SLC24A2: variants seen among roughly 807,000 people sequenced by gnomAD.
SLC24A2 encodes the protein sodium/potassium/calcium exchanger 2.
In SLC24A2, 36 loss-of-function variants were observed where a neutral mutation model predicts 62.0. That is an observed-to-expected ratio of 0.58 (90% CI 0.44 to 0.77). The LOEUF (loss-of-function observed/expected upper bound fraction) is 0.77, where lower values mean the gene tolerates loss of function less well. SLC24A2 is among the 30% of genes least tolerant of loss of function. The pLI, the probability that SLC24A2 is intolerant of heterozygous loss-of-function variation, is 0.00. For synonymous variants in SLC24A2, 358 were observed against 294.0 expected (o/e 1.22, Z -2.23); for missense variants, 846 against 817.9 (o/e 1.03, Z -0.42).
At chr9:20,274,513 G>C in the SLC24A2 span, among the ~76,000 whole-genome samples, 6 of 152,142 alleles carry the variant, frequency 3.9e-5, no homozygotes, top group Non-Finnish European at 8.8e-5. Flanking sequence ...GGAAAAAGAG[G>C]AGGAACTATT....
At chr9:19,836,587 T>C in the SLC24A2 span, among the ~76,000 whole-genome samples, 1 of 152,136 alleles carries the variant, frequency 6.6e-6, no homozygotes, top group African/African-American at 2.4e-5. Flanking sequence ...CAATAATGAA[T>C]AGCTTACCAA....
the SLC24A2 span, among the ~76,000 whole-genome samples, chr9:20,271,902 G>A: frequency 2.6e-5 from 4 of 152,206 alleles, no homozygotes; most frequent in Admixed American, 2.0e-4. Context: ...ATCAGATTTG[G>A]TGCTATGCCA....
At chr9:20,290,586 T>C in the SLC24A2 span, among the ~76,000 whole-genome samples, 1 of 152,070 alleles carries the variant, frequency 6.6e-6, no homozygotes. Flanking sequence ...CTGGAATGAG[T>C]CTCTTGGATC....
chr9:19,611,739 C>T (rs993543035), intron 4 of SLC24A2, among the ~76,000 whole-genome samples: 1 of 152,106 alleles, frequency 6.6e-6, no homozygotes, highest in Admixed American at 6.5e-5. Context: ...GGGGAACTTC[C>T]ATCTCTTCCC....
chr9:19,791,459 G>C (rs184547576), upstream of SLC24A2, among the ~76,000 whole-genome samples: 1 of 152,298 alleles, frequency 6.6e-6, no homozygotes, highest in East Asian at 1.9e-4. Context: ...AGGGAGAAGG[G>C]GGAGATAAAT....
the SLC24A2 span, among the ~76,000 whole-genome samples, chr9:19,855,758 G>T: frequency 6.6e-6 from 1 of 151,888 alleles, no homozygotes; most frequent in Non-Finnish European, 1.5e-5. Context: ...ATCTGATAAT[G>T]TGTCTTGGGG....
At chr9:20,136,123 G>A in the SLC24A2 span, among the ~76,000 whole-genome samples, 1 of 152,168 alleles carries the variant, frequency 6.6e-6, no homozygotes, top group Non-Finnish European at 1.5e-5. Flanking sequence ...CAGAAGCCTG[G>A]AAGAGAGGCA....
the SLC24A2 span, among the ~76,000 whole-genome samples, chr9:19,905,293 T>C: frequency 6.2e-3 from 937 of 152,304 alleles, 5 homozygotes; most frequent in Non-Finnish European, 0.011. Context: ...CCCGGTATTG[T>C]CCCTGTAAAT....
the SLC24A2 span, among the ~76,000 whole-genome samples, chr9:20,250,079 A>C: frequency 6.6e-6 from 1 of 152,234 alleles, no homozygotes; most frequent in Non-Finnish European, 1.5e-5. Flanking sequence ...ACATGAGAAC[A>C]ACAATAGCAA....
chr9:19,710,781 G>A (rs550670724), intron 2 of SLC24A2, among the ~76,000 whole-genome samples: 2 of 152,118 alleles, frequency 1.3e-5, no homozygotes, highest in Non-Finnish European at 2.9e-5. Context: ...CTGGCCACAG[G>A]TCGAGAAAGA....
the SLC24A2 span, among the ~76,000 whole-genome samples, chr9:20,280,538 T>C: frequency 0.011 from 1,665 of 152,296 alleles, 30 homozygotes; most frequent in African/African-American, 0.038. Flanking sequence ...GTGGTGACCA[T>C]TGTTACTAAA....
At chr9:20,123,638 T>C in the SLC24A2 span, among the ~76,000 whole-genome samples, 3 of 152,172 alleles carry the variant, frequency 2.0e-5, no homozygotes, top group Admixed American at 2.0e-4. Flanking sequence ...GTCTGCCTCA[T>C]AGGATTGTCA....
At chr9:20,028,762 C>G in the SLC24A2 span, among the ~76,000 whole-genome samples, 1 of 152,224 alleles carries the variant, frequency 6.6e-6, no homozygotes, top group Non-Finnish European at 1.5e-5. Flanking sequence ...CTGTCCTCCT[C>G]CTTTGATTCC....
chr9:19,888,449 ATT>A, the SLC24A2 span, among the ~76,000 whole-genome samples: 19 of 152,090 alleles, frequency 1.2e-4, no homozygotes, highest in African/African-American at 3.9e-4. Context: ...CTCCTCTTTT[ATT>A]TATAATAAAA....
intron 7 of SLC24A2, among the ~76,000 whole-genome samples, chr9:19,556,017 C>CT (rs1158145748): frequency 6.6e-6 from 1 of 152,184 alleles, no homozygotes; most frequent in Non-Finnish European, 1.5e-5. Context: ...TAACTGCCTT[C>CT]TAGGACTCTT....
chr9:19,830,187 A>C, the SLC24A2 span, among the ~76,000 whole-genome samples: 1 of 152,136 alleles, frequency 6.6e-6, no homozygotes, highest in Non-Finnish European at 1.5e-5. Context: ...GACATCACCT[A>C]TCTGAGATAC....
At chr9:20,069,986 T>A in the SLC24A2 span, among the ~76,000 whole-genome samples, 1 of 152,220 alleles carries the variant, frequency 6.6e-6, no homozygotes, top group African/African-American at 2.4e-5. Flanking sequence ...AACATGACCT[T>A]ATTATGCCAC....
chr9:20,122,330 G>C, the SLC24A2 span, among the ~76,000 whole-genome samples: 1 of 152,150 alleles, frequency 6.6e-6, no homozygotes, highest in South Asian at 2.1e-4. Context: ...GGCATACAAG[G>C]GAAAGCAGTT....
chr9:20,271,719 T>A, the SLC24A2 span, among the ~76,000 whole-genome samples: 60 of 152,308 alleles, frequency 3.9e-4, no homozygotes, highest in East Asian at 0.01. Context: ...TATCCAAATA[T>A]TTTGTTATTT....
Sources: gnomAD v4.1 joint callset for allele counts (sites outside exome capture counted in the v4.1 genomes callset) on GRCh38, gnomAD v4.1.1 for gene constraint, MANE v1.5 for transcripts, NCBI Gene and HGNC (gene_info 2026-07-23, HGNC 2026-07-21) for gene names.